SWI5: variants seen among roughly 807,000 people sequenced by gnomAD.
SWI5 encodes SWI5 homologous recombination repair protein.
In SWI5, 12 loss-of-function variants were observed where a neutral mutation model predicts 17.0. The observed-to-expected ratio is 0.71, with a 90% CI of 0.45 to 1.14. The LOEUF is 1.14. SWI5 is among the 50% of genes most tolerant of loss of function. SWI5 has a pLI of 0.00. For synonymous variants in SWI5, 61 were observed against 64.0 expected (o/e 0.95, Z 0.22); for missense variants, 158 against 162.2 (o/e 0.97, Z 0.14).
upstream of SWI5, chr9:128,276,074 GA>G (rs773258144): frequency 8.9e-6 from 14 of 1,573,790 alleles, no homozygotes; most frequent in African/African-American, 1.4e-5. Context: ...CTGGAGCGCA[GA>G]ATGGGGGCGT....
At chr9:128,288,890 G>A in exon 5 of SWI5, 1 of 649,608 alleles carries the variant, frequency 1.5e-6, no homozygotes, top group South Asian at 1.9e-5. Flanking sequence ...CGGGCAGGGA[G>A]GAAGGGGCGT....
At chr9:128,276,323 C>G (rs200812021) in exon 1 of SWI5, 3 of 1,612,978 alleles carry the variant, frequency 1.9e-6, no homozygotes, top group East Asian at 2.2e-5. Context: ...CCTGAGAGGT[C>G]GCTCTCCGAC....
intron 2 of SWI5, among the ~76,000 whole-genome samples, chr9:128,279,449 G>A (rs528189576): frequency 1.3e-5 from 2 of 152,318 alleles, no homozygotes; most frequent in East Asian, 3.9e-4. Context: ...TCGTCCAAGT[G>A]ATTGATAAGA....
At position 128,285,220 on chromosome 9, in the gene SWI5, A is replaced by G. The variant is rs774772722; in HGVS notation, c.233+589A>G. ...AGAGGAGAGGAAAGAAAAAGGAAGG[A>G]AGGAAAGAAAGGAAGGGAAAGAAGG... is the stretch of plus-strand genomic sequence containing the variant. On this transcript the variant is annotated intron_variant, in intron 3 of 4. Transcript: ENST00000418976. This position sits in a 1 kb window ranked among gnomAD's most constrained non-coding sequence, Gnocchi z 4.8. Among the ~76,000 whole-genome samples the G allele has an allele frequency of 6.7e-6, 1 of 149,898 alleles. No homozygotes were observed. Among genetic ancestry groups the G allele is most frequent in the African/African-American group, 2.5e-5 (1 of 40,784 alleles).
At chr9:128,284,784 T>G (rs1248183454) in intron 3 of SWI5, among the ~76,000 whole-genome samples, 153 bp downstream of exon 3, 2 of 151,786 alleles carry the variant, frequency 1.3e-5, no homozygotes, top group Admixed American at 1.3e-4. Flanking sequence ...GGCAAAACCC[T>G]GTCTCTACTA....
At position 128,287,141 on chromosome 9, in the gene SWI5, CAA is replaced by C. The variant is rs35520517; in HGVS notation, c.328+1128_328+1129del. On this transcript the variant is annotated intron_variant, in intron 4 of 4. Coordinates refer to ENST00000418976, the Ensembl canonical transcript of SWI5. ...GGGCAACAGGAGCGAAACTCCATCTCAAAAAAAAAAAAAAAAAAAAAGGCCGG... is the reference window on the plus strand; with the variant it reads ...GGGCAACAGGAGCGAAACTCCATCTCAAAAAAAAAAAAAAAAAAAGGCCGG... Among the ~76,000 whole-genome samples, 388 of 50,328 alleles carry C rather than the reference CAA, an allele frequency of 7.7e-3. 2 individuals carry two copies. Among genetic ancestry groups the C allele is most frequent in the African/African-American group, 0.025 (346 of 13,648 alleles). The allele number at this position is 50,328 out of a possible 152,430, so 33.0% of individuals were successfully genotyped here. A position where few individuals can be genotyped will look rare whatever the true frequency, so the allele number is the denominator to read the frequency against.
Position 128,284,446 on chromosome 9 carries a change from G to A in SWI5, c.112-64G>A, listed in dbSNP as rs567260074. On this transcript the variant is annotated intron_variant, in intron 2 of 4. Transcript: ENST00000418976. ...CAGAAGCAGGGAGTGACTACTGGGG[G>A]ACATGTAGGCTGTGAATTGTGGATA... 5.1e-6 allele frequency: 8 copies of A among 1,572,576 alleles called. No homozygotes were observed. In the South Asian group the frequency reaches 6.9e-5, roughly 14 times the overall value.
chr9:128,281,134 T>G lies in SWI5; in HGVS notation c.112-3376T>G, dbSNP rs1204551002. ...CTCACCACAACCTCCACCTCCCAGGTTCAAGGGATTCTCCTGCCTTAGCCT... is the reference window on the plus strand; with the variant it reads ...CTCACCACAACCTCCACCTCCCAGGGTCAAGGGATTCTCCTGCCTTAGCCT... On this transcript the variant is annotated intron_variant, in intron 2 of 4. Coordinates refer to ENST00000418976, the Ensembl canonical transcript of SWI5. 3.4e-5 allele frequency among the ~76,000 whole-genome samples: 5 copies of G among 146,660 alleles called. No homozygotes were observed. In the East Asian group the frequency reaches 1.0e-3, roughly 30 times the overall value.
At chr9:128,275,417 G>A, upstream of SWI5, 1 of 1,293,790 alleles carries the variant, frequency 7.7e-7, no homozygotes, top group Non-Finnish European at 9.8e-7. Flanking sequence ...GATGGGGGAG[G>A]GGACCGCAGG....
In SWI5 at chr9:128,276,266, T is replaced by C. The variant is rs776999955; in HGVS notation, c.-75T>C. 5 of 1,612,652 alleles carry C rather than the reference T, an allele frequency of 3.1e-6. No homozygotes were observed. Among genetic ancestry groups the C allele is most frequent in the Non-Finnish European group, 4.2e-6 (5 of 1,179,494 alleles). On this transcript the variant is annotated 5_prime_UTR_variant, in exon 1 of 5. Transcript: ENST00000418976. ...CTTTCCTTGGGTGCGCGCGCAGCTT[T>C]CTGTGCGCCAGTTCACACTCCGGGT...
At chr9:128,283,793 G>A (rs962625676) in intron 2 of SWI5, among the ~76,000 whole-genome samples, 3 of 152,282 alleles carry the variant, frequency 2.0e-5, no homozygotes, top group Admixed American at 6.5e-5. Flanking sequence ...GAAGGGAGAC[G>A]GCCAGAGAAA....
At chr9:128,276,629 C>T in intron 1 of SWI5, 78 bp from the exon 2 acceptor site, 1 of 1,613,060 alleles carries the variant, frequency 6.2e-7, no homozygotes, top group Non-Finnish European at 8.5e-7. Context: ...ACTGCTCCTC[C>T]TCCCGCATCC....
At chr9:128,279,059 C>T (rs996372040) in intron 2 of SWI5, among the ~76,000 whole-genome samples, 5 of 152,132 alleles carry the variant, frequency 3.3e-5, no homozygotes, top group African/African-American at 9.7e-5. Flanking sequence ...CATGAGCCAC[C>T]GTGCCTGGGC....
exon 5 of SWI5, chr9:128,288,715 G>A: frequency 6.2e-7 from 1 of 1,614,166 alleles, no homozygotes; most frequent in South Asian, 1.1e-5. Flanking sequence ...ATGAATGACT[G>A]AGCAGGCTCA....
rs71381749 is a variant in SWI5 at position 128,283,500 on chromosome 9, A to AAACAAC, written c.112-994_112-989dup. ...CGACAGAGTGAGACTCCGTCTCCAA[A>AAACAAC]AACAACAACAACAACAACAACCAGT... is the stretch of plus-strand genomic sequence containing the variant. On this transcript the variant is annotated intron_variant, in intron 2 of 4. Coordinates refer to ENST00000418976, the Ensembl canonical transcript of SWI5. Among the ~76,000 whole-genome samples, 365 of 150,812 alleles carry AAACAAC rather than the reference A, an allele frequency of 2.4e-3. 2 individuals carry two copies. Among genetic ancestry groups the AAACAAC allele is most frequent in the African/African-American group, 7.4e-3 (303 of 41,098 alleles).
At chr9:128,288,898 C>T (rs1321726915) in exon 5 of SWI5, 10 of 623,070 alleles carry the variant, frequency 1.6e-5, no homozygotes, top group African/African-American at 3.7e-5. Flanking sequence ...GAGGAAGGGG[C>T]GTTCCCAGCT....
chr9:128,277,203 C>T (rs540891600), intron 2 of SWI5, among the ~76,000 whole-genome samples: 1 of 152,326 alleles, frequency 6.6e-6, no homozygotes, highest in South Asian at 2.1e-4. Context: ...ACGCAGCCTA[C>T]TCCTTCTCTC....
chr9:128,276,337 C>T (rs771102225), exon 1 of SWI5: 10 of 1,613,228 alleles, frequency 6.2e-6, no homozygotes, highest in South Asian at 1.1e-5. Flanking sequence ...CTCCGACTCC[C>T]GCGCTGGACC....
exon 4 of SWI5, chr9:128,286,016 T>C: frequency 2.5e-6 from 4 of 1,613,916 alleles, no homozygotes; most frequent in Non-Finnish European, 3.4e-6. Context: ...GTGGGGCAGA[T>C]GCTGATGGGC....
Sources: gnomAD v4.1 joint callset for allele counts (sites outside exome capture counted in the v4.1 genomes callset) on GRCh38, gnomAD v4.1.1 for gene constraint, Gnocchi (gnomAD v3.1) non-coding constraint, MANE v1.5 for transcripts, NCBI Gene and HGNC (gene_info 2026-07-23, HGNC 2026-07-21) for gene names.